SCARA3: variants seen among roughly 807,000 people sequenced by gnomAD.
The protein encoded by SCARA3 is cellular stress response gene protein.
SCARA3 carries 39 observed loss-of-function variants against 47.0 expected under a neutral mutation model. That is an observed-to-expected ratio of 0.83 (90% CI 0.64 to 1.08). The LOEUF (loss-of-function observed/expected upper bound fraction) is 1.08, where lower values mean the gene tolerates loss of function less well. SCARA3 is among the 50% of genes least tolerant of loss of function. The pLI is 0.00. For missense variants in SCARA3, 724 were observed against 792.3 expected (o/e 0.91, Z 1.04); for synonymous variants, 356 against 334.1 (o/e 1.07, Z -0.71).
intron 1 of SCARA3, among the ~76,000 whole-genome samples, chr8:27,636,172 C>T (rs1014873624): frequency 2.2e-4 from 34 of 152,328 alleles, no homozygotes; most frequent in African/African-American, 7.7e-4. Context: ...TTACTGGAAG[C>T]CTCCAGAAAG....
At chr8:27,654,043 G>A (rs1801690887) in intron 3 of SCARA3, among the ~76,000 whole-genome samples, 1 of 152,118 alleles carries the variant, frequency 6.6e-6, no homozygotes, top group Admixed American at 6.5e-5. Context: ...AACACCCCTG[G>A]TCTAGAGCAG....
Position 27,660,649 on chromosome 8 carries a change from T to TAGATAGAC in SCARA3, c.1369+1117_1369+1118insCAGATAGA, listed in dbSNP as rs1554539843. ...ATAGATAGATAGATAGATAGATAGA[T>TAGATAGAC]AGATAGATCTAGAGAAACAGAATCA... On this transcript the variant is annotated intron_variant, in intron 5 of 5. Transcript: ENST00000301904. Among the ~76,000 whole-genome samples, 420 of 149,232 alleles carry TAGATAGAC rather than the reference T, an allele frequency of 2.8e-3. 7 individuals carry two copies. Among genetic ancestry groups the TAGATAGAC allele is most frequent in the African/African-American group, 9.2e-3 (375 of 40,812 alleles).
chr8:27,712,562 CAAA>C, the SCARA3 span, among the ~76,000 whole-genome samples: 3 of 107,256 alleles, frequency 2.8e-5, no homozygotes, highest in Non-Finnish European at 5.4e-5. Context: ...GACTCCGTCT[CAAA>C]AAAAAAAAAA....
rs1044487915 is a variant in SCARA3, at chr8:27,633,937, C to T, written c.-264C>T. ...GGGCCCCAGCGGGAAGCGCGGGCGG[C>T]GGCGGGATGCGCGCTCTGGGCGGCG... On this transcript the variant is annotated 5_prime_UTR_variant, in exon 1 of 6. Coordinates refer to ENST00000301904, the MANE Select transcript of SCARA3 (RefSeq NM_016240.3). 1.2e-5 allele frequency: 2 copies of T among 163,248 alleles called. No homozygotes were observed. Among genetic ancestry groups the T allele is most frequent in the Non-Finnish European group, 2.6e-5 (2 of 76,202 alleles). The allele number at this position is 163,248 out of a possible 1,614,324, so 10.1% of individuals were successfully genotyped here.
chr8:27,707,714 G>T, the SCARA3 span, among the ~76,000 whole-genome samples: 1 of 150,340 alleles, frequency 6.7e-6, no homozygotes, highest in East Asian at 1.9e-4. Flanking sequence ...TGAATTAAAA[G>T]AACCTGCCAA....
In SCARA3 at chr8:27,671,119, C is replaced by T; in HGVS notation, c.1589C>T (p.Thr530Ile). 1 of 1,590,596 alleles carries T rather than the reference C, an allele frequency of 6.3e-7. No homozygotes were observed. Among genetic ancestry groups the T allele is most frequent in the Non-Finnish European group, 8.6e-7 (1 of 1,168,434 alleles). Residue 530 changes from threonine (T) to isoleucine (I), a missense_variant, in exon 6 of 6, where the codon ACT becomes ATT. Thr to Ile is a moderately conservative substitution (Grantham distance 89). Transcript: ENST00000301904. ...AAAGGCTCAAAGGGCAGCTTTGGAA[C>T]TGGAGGGCCGAGAGGACAGCCAGGC... ...GLKGSKGSFG[T>I]GGPRGQPGPK...
the SCARA3 span, among the ~76,000 whole-genome samples, chr8:27,683,468 A>T: frequency 6.6e-6 from 1 of 152,184 alleles, no homozygotes; most frequent in South Asian, 2.1e-4. Flanking sequence ...AAACTAATTT[A>T]AAAACAACTA....
At chr8:27,642,426 A>T (rs1308544182) in intron 1 of SCARA3, among the ~76,000 whole-genome samples, 1 of 152,200 alleles carries the variant, frequency 6.6e-6, no homozygotes, top group Non-Finnish European at 1.5e-5. Context: ...TCTCCCCACC[A>T]TTTACGCATA....
In SCARA3 at chr8:27,672,122, T is replaced by G. The variant is rs1036708; in HGVS notation, c.*771T>G. The G allele has an allele frequency of 0.07, 68,791 of 985,350 alleles. 2,576 individuals are homozygous for G. The highest frequency in any genetic ancestry group is 0.21 in the East Asian group (1,851 of 8,800). The allele number at this position is 985,350 out of a possible 1,614,324, so 61.0% of individuals were successfully genotyped here. A position where few individuals can be genotyped will look rare whatever the true frequency, so the allele number is the denominator to read the frequency against. On this transcript the variant is annotated 3_prime_UTR_variant, in exon 6 of 6. Coordinates refer to ENST00000301904, the MANE Select transcript of SCARA3 (RefSeq NM_016240.3). The stretch of plus-strand genomic sequence containing the variant: ...CCTCCCCATAAGCAGGGGACCAGCA[T>G]ACCCGGGAGCTGTCCCTGTCTGTCA...
At chr8:27,729,694 G>A in the SCARA3 span, among the ~76,000 whole-genome samples, 1 of 152,122 alleles carries the variant, frequency 6.6e-6, no homozygotes, top group African/African-American at 2.4e-5. Flanking sequence ...GGGAGCCTGA[G>A]GCAGGAGAAT....
the SCARA3 span, among the ~76,000 whole-genome samples, chr8:27,713,566 C>T: frequency 2.0e-5 from 3 of 152,238 alleles, no homozygotes; most frequent in Admixed American, 1.3e-4. Flanking sequence ...GGATTATAAT[C>T]CATTGGGATC....
At chr8:27,730,265 G>A in the SCARA3 span, among the ~76,000 whole-genome samples, 1 of 152,256 alleles carries the variant, frequency 6.6e-6, no homozygotes. Context: ...ACACCAAGTG[G>A]CTCCTAATCT....
At chr8:27,660,573 G>T (rs1475754111) in intron 5 of SCARA3, among the ~76,000 whole-genome samples, 1 of 150,750 alleles carries the variant, frequency 6.6e-6, no homozygotes, top group Non-Finnish European at 1.5e-5. Context: ...TAGATAGATA[G>T]ATGATAGATA....
At chr8:27,703,360 G>A in the SCARA3 span, 2 of 152,596 alleles carry the variant, frequency 1.3e-5, no homozygotes, top group Admixed American at 6.5e-5. Context: ...GAGAAAACAG[G>A]AGAGTAGCAA....
chr8:27,706,072 G>A, the SCARA3 span, among the ~76,000 whole-genome samples: 5 of 152,210 alleles, frequency 3.3e-5, no homozygotes, highest in South Asian at 1.0e-3. Flanking sequence ...GTAAAAAGGA[G>A]CTCAGGGAGG....
rs146765349 is a variant in SCARA3 at position 27,669,656 on chromosome 8, G to A, written c.1370-1244G>A. 1.7e-3 allele frequency among the ~76,000 whole-genome samples: 262 copies of A among 152,388 alleles called. 2 individuals are homozygous for A. The highest frequency in any genetic ancestry group is 3.0e-3 in the Non-Finnish European group (206 of 68,038). On this transcript the variant is annotated intron_variant, in intron 5 of 5. Coordinates refer to ENST00000301904, the MANE Select transcript of SCARA3 (RefSeq NM_016240.3). ...GAGCCATGCAGGGCCACATCCCCGTGGCGGGAGGTGGGCAAGGGCAGGTGG... is the reference window on the plus strand; with the variant it reads ...GAGCCATGCAGGGCCACATCCCCGTAGCGGGAGGTGGGCAAGGGCAGGTGG...
intron 1 of SCARA3, among the ~76,000 whole-genome samples, chr8:27,648,192 A>G (rs999870549): frequency 6.6e-6 from 1 of 152,266 alleles, no homozygotes; most frequent in African/African-American, 2.4e-5. Flanking sequence ...CTGCTAAGCA[A>G]CATTCTTCAC....
chr8:27,709,883 T>G, the SCARA3 span, among the ~76,000 whole-genome samples: 13 of 152,152 alleles, frequency 8.5e-5, no homozygotes, highest in African/African-American at 1.9e-4. Flanking sequence ...ACCCAGGCAG[T>G]TCTGCCTTAG....
chr8:27,689,649 G>T, the SCARA3 span, among the ~76,000 whole-genome samples: 3,346 of 152,282 alleles, frequency 0.022, 135 homozygotes, highest in African/African-American at 0.071. Context: ...GGAACCGTGT[G>T]TTTGGGGATG....
Sources: gnomAD v4.1 joint callset for allele counts (sites outside exome capture counted in the v4.1 genomes callset) on GRCh38, gnomAD v4.1.1 for gene constraint, MANE v1.5 for transcripts, NCBI Gene and HGNC (gene_info 2026-07-23, HGNC 2026-07-21) for gene names.